Variants in DERA observed in about 807,000 individuals in gnomAD.
The protein encoded by DERA is deoxyribose-phosphate aldolase.
A neutral mutation model predicts 41.1 loss-of-function variants in DERA; 15 were observed. The ratio of observed to expected loss-of-function variants is 0.37; its 90% CI spans 0.24 to 0.56. The LOEUF is 0.56. Ranked by LOEUF, DERA falls within the 20% of genes least tolerant of loss-of-function variation. DERA has a pLI of 0.81. For synonymous variants in DERA, 139 were observed against 137.4 expected, an observed-to-expected ratio of 1.01 and a Z score of -0.08; for missense variants, 396 against 403.4, an observed-to-expected ratio of 0.98 and a Z score of 0.16.
In DERA at chr12:16,021,793, T is replaced by G. The variant is rs1328554999; in HGVS notation, c.638-10749T>G. Among the ~76,000 whole-genome samples the G allele has an allele frequency of 1.3e-5, 2 of 152,190 alleles. No homozygotes were observed. Among genetic ancestry groups the G allele is most frequent in the Non-Finnish European group, 2.9e-5 (2 of 68,020 alleles). ...AGGCCTATAGCGCACCCCTCCCCCT[T>G]TTTTGGCTGATTTCTCCCTTTGGGA... On this transcript the variant is annotated intron_variant, in intron 6 of 8. Transcript: ENST00000428559. The surrounding 1 kb of genome is among the most constrained non-coding windows in gnomAD (Gnocchi z 5.3).
Position 15,983,133 on chromosome 12 carries a change from C to A in DERA, c.637+697C>A, listed in dbSNP as rs932636653. On this transcript the variant is annotated intron_variant, in intron 6 of 8. Transcript: ENST00000428559. The surrounding 1 kb of genome is among the most constrained non-coding windows in gnomAD (Gnocchi z 6.2). ...CTCCACAGGGATTACTTCAGCTGTT[C>A]CCCTGTCTTCCTGACTTTTGTTCCC... Among the ~76,000 whole-genome samples the A allele has an allele frequency of 6.6e-6, 1 of 152,176 alleles. No homozygotes were observed. Among genetic ancestry groups the A allele is most frequent in the Non-Finnish European group, 1.5e-5 (1 of 68,026 alleles).
rs1034482353 is a variant in DERA, at chr12:16,013,895, G to T, written c.638-18647G>T. ...GGAACTTGTAGAGGACTGGAGCAAAGGTCACTCTTGCTGTGCTTTAGCAAA... is the reference window on the plus strand; with the variant it reads ...GGAACTTGTAGAGGACTGGAGCAAATGTCACTCTTGCTGTGCTTTAGCAAA... On this transcript the variant is annotated intron_variant, in intron 6 of 8. Transcript: ENST00000428559. This position sits in a 1 kb window ranked among gnomAD's most constrained non-coding sequence, Gnocchi z 5.8. Among the ~76,000 whole-genome samples the T allele has an allele frequency of 1.2e-4, 19 of 152,296 alleles. No homozygotes were observed. The highest frequency in any genetic ancestry group is 4.3e-4 in the African/African-American group (18 of 41,562).
intron 5 of DERA, among the ~76,000 whole-genome samples, chr12:15,973,961 G>T (rs1002923385): frequency 1.7e-4 from 26 of 152,114 alleles, no homozygotes; most frequent in African/African-American, 6.0e-4. Flanking sequence ...CAGAAAAGTT[G>T]TAAAATTGGT....
intron 6 of DERA, among the ~76,000 whole-genome samples, chr12:16,018,109 T>A (rs538275513): frequency 6.6e-6 from 1 of 152,304 alleles, no homozygotes; most frequent in African/African-American, 2.4e-5. Flanking sequence ...TATGTTTTTC[T>A]AATAATCACA....
At chr12:15,912,550 C>T (rs1948172200) in intron 1 of DERA, among the ~76,000 whole-genome samples, 1 of 152,090 alleles carries the variant, frequency 6.6e-6, no homozygotes, top group East Asian at 1.9e-4. Context: ...GCTTAAGTTT[C>T]TTCATCTGTA....
Position 15,913,342 on chromosome 12 carries a change from C to T in DERA, c.31+1928C>T, listed in dbSNP as rs1056085773. ...TTTTTTTCCTTCACGGGTATTAATC[C>T]TTAATCCAAACAGGTTTAAACTGAA... On this transcript the variant is annotated intron_variant, in intron 1 of 8. Transcript: ENST00000428559. The surrounding 1 kb of genome is among the most constrained non-coding windows in gnomAD (Gnocchi z 4.5). Among the ~76,000 whole-genome samples, 4 of 151,918 alleles carry T rather than the reference C, an allele frequency of 2.6e-5. No homozygotes were observed. The highest frequency in any genetic ancestry group is 9.7e-5 in the African/African-American group (4 of 41,362).
intron 6 of DERA, among the ~76,000 whole-genome samples, chr12:16,028,050 C>A (rs59247455): frequency 0.022 from 3,304 of 152,266 alleles, 128 homozygotes; most frequent in African/African-American, 0.076. Context: ...TATTTCCCTG[C>A]TCAGTCAGCT....
Position 15,941,601 on chromosome 12 carries a change from C to T in DERA, c.32-15335C>T, listed in dbSNP as rs190698493. Among the ~76,000 whole-genome samples, 2 of 152,298 alleles carry T rather than the reference C, an allele frequency of 1.3e-5. No individual in the cohort carries two copies. Among genetic ancestry groups the T allele is most frequent in the Non-Finnish European group, 2.9e-5 (2 of 68,026 alleles). On this transcript the variant is annotated intron_variant, in intron 1 of 8. Coordinates refer to ENST00000428559, the MANE Select transcript of DERA (RefSeq NM_015954.4). This position sits in a 1 kb window ranked among gnomAD's most constrained non-coding sequence, Gnocchi z 4.5. ...CTTTGTGTCCTCACAGCTTAGCCCC[C>T]ACTTATAAGTGAGATCATAGGATGT...
chr12:15,944,283 A>G (rs536262745), intron 1 of DERA, among the ~76,000 whole-genome samples: 1 of 152,320 alleles, frequency 6.6e-6, no homozygotes, highest in South Asian at 2.1e-4. Context: ...TTCTAGTTCT[A>G]GATCCTTGAG....
rs567017641 is a variant in DERA, at chr12:15,985,390, C to G, written c.637+2954C>G. ...GGCATAATGTTGTTTATAATATGTT[C>G]TTCCATTCTGATATCTGTGGGATCT... On this transcript the variant is annotated intron_variant, in intron 6 of 8. Coordinates refer to ENST00000428559, the MANE Select transcript of DERA (RefSeq NM_015954.4). This position sits in a 1 kb window ranked among gnomAD's most constrained non-coding sequence, Gnocchi z 4.2. 1 of 152,276 alleles carries G rather than the reference C, an allele frequency of 6.6e-6. No individual in the cohort carries two copies. Among genetic ancestry groups the G allele is most frequent in the African/African-American group, 2.4e-5 (1 of 41,568 alleles). The allele number at this position is 152,276 out of a possible 1,614,324, so 9.4% of individuals were successfully genotyped here.
chr12:16,028,052 C>T (rs1949064512), intron 6 of DERA, among the ~76,000 whole-genome samples: 1 of 152,166 alleles, frequency 6.6e-6, no homozygotes, highest in Non-Finnish European at 1.5e-5. Flanking sequence ...TTTCCCTGCT[C>T]AGTCAGCTAG....
intron 1 of DERA, among the ~76,000 whole-genome samples, chr12:15,955,223 C>T (rs1011170977): frequency 2.0e-5 from 3 of 150,570 alleles, no homozygotes; most frequent in African/African-American, 7.3e-5. Context: ...CGTTTGAACC[C>T]GGGAGGTGGA....
In DERA at chr12:15,930,964, G is replaced by A. The variant is rs182114040; in HGVS notation, c.31+19550G>A. On this transcript the variant is annotated intron_variant, in intron 1 of 8. Transcript: ENST00000428559. ...AGGGCAGTAAGTTTCAGGAAAAATAGGTACAGATATTGTATAATCTTCAAG... is the reference window on the plus strand; with the variant it reads ...AGGGCAGTAAGTTTCAGGAAAAATAAGTACAGATATTGTATAATCTTCAAG... 5.1e-3 allele frequency among the ~76,000 whole-genome samples: 772 copies of A among 152,190 alleles called. 2 individuals are homozygous for A. Among genetic ancestry groups the A allele is most frequent in the Non-Finnish European group, 8.2e-3 (557 of 67,980 alleles).
rs1455454111 is a variant in DERA, at chr12:16,017,515, T to C, written c.638-15027T>C. On this transcript the variant is annotated intron_variant, in intron 6 of 8. Coordinates refer to ENST00000428559, the MANE Select transcript of DERA (RefSeq NM_015954.4). The surrounding 1 kb of genome is among the most constrained non-coding windows in gnomAD (Gnocchi z 5.5). ...TCTTTGTGGAATCACAGTCTCCAGA[T>C]TTAGTATTAGTATCACATTGATACC... Among the ~76,000 whole-genome samples, 1 of 152,202 alleles carries C rather than the reference T, an allele frequency of 6.6e-6. No homozygotes were observed. The highest frequency in any genetic ancestry group is 1.5e-5 in the Non-Finnish European group (1 of 68,030).
chr12:15,956,674 T>C, intron 1 of DERA: 1 of 510,298 alleles, frequency 2.0e-6, no homozygotes. Flanking sequence ...TTCTTCCAGT[T>C]CCAAATGTAT....
rs1335840454 is a variant in DERA at position 16,011,350 on chromosome 12, T to G, written c.638-21192T>G. On this transcript the variant is annotated intron_variant, in intron 6 of 8. Transcript: ENST00000428559. This position sits in a 1 kb window ranked among gnomAD's most constrained non-coding sequence, Gnocchi z 4.7. ...TGCTTGGAACCAGAAGTGTTTTGGA[T>G]TTTGGATTTTTTCAGATTTCGGAAT... Among the ~76,000 whole-genome samples, 1 of 152,198 alleles carries G rather than the reference T, an allele frequency of 6.6e-6. No homozygotes were observed. The highest frequency in any genetic ancestry group is 2.4e-5 in the African/African-American group (1 of 41,450).
At chr12:16,030,004 C>T (rs1292979445) in intron 6 of DERA, among the ~76,000 whole-genome samples, 2 of 138,584 alleles carry the variant, frequency 1.4e-5, no homozygotes, top group Non-Finnish European at 3.0e-5. Flanking sequence ...CTCACTGCAA[C>T]CTCCACCTCC....
chr12:15,956,612 A>G lies in DERA; in HGVS notation c.32-324A>G, dbSNP rs181409152. The G allele has an allele frequency of 6.0e-5, 24 of 399,966 alleles. No individual in the cohort carries two copies. The East Asian group carries it at 1.6e-3, about 27-fold the overall frequency. The allele number at this position is 399,966 out of a possible 1,614,324, so 24.8% of individuals were successfully genotyped here. On this transcript the variant is annotated intron_variant, in intron 1 of 8. Transcript: ENST00000428559. ...CAGAGGTGAGGTACGTGGCATGGGTAACACACATTTCCCACGTCGTTAGAC... is the reference window on the plus strand; with the variant it reads ...CAGAGGTGAGGTACGTGGCATGGGTGACACACATTTCCCACGTCGTTAGAC...
Position 15,921,757 on chromosome 12 carries a change from G to A in DERA, c.31+10343G>A, listed in dbSNP as rs890216693. Among the ~76,000 whole-genome samples, 1 of 151,882 alleles carries A rather than the reference G, an allele frequency of 6.6e-6. No individual in the cohort carries two copies. The highest frequency in any genetic ancestry group is 2.4e-5 in the African/African-American group (1 of 41,352). ...GTCAACATGGTGAAACTTTGTTTCT[G>A]CTAGAAATACATAAAAAAATTAACC... On this transcript the variant is annotated intron_variant, in intron 1 of 8. Transcript: ENST00000428559. This position sits in a 1 kb window ranked among gnomAD's most constrained non-coding sequence, Gnocchi z 5.3.
Sources: allele counts gnomAD v4.1 joint callset (sites outside exome capture counted in the v4.1 genomes callset), GRCh38; gene constraint gnomAD v4.1.1; non-coding constraint Gnocchi (gnomAD v3.1); transcripts MANE v1.5; gene names NCBI Gene and HGNC (gene_info 2026-07-23, HGNC 2026-07-21).